Variants in CD99L2 observed in about 807,000 individuals in gnomAD.
CD99L2 encodes the protein CD99 antigen-like protein 2.
Under a neutral mutation model 27.3 loss-of-function variants are expected in CD99L2, and 24 were observed. The observed-to-expected ratio is 0.88, with a 90% CI of 0.64 to 1.24. CD99L2 has a LOEUF of 1.24. CD99L2 is among the 50% of genes most tolerant of loss of function. The pLI is 0.00. For missense variants in CD99L2, 255 were observed against 221.6 expected (o/e 1.15, Z -0.96); for synonymous variants, 97 against 87.9 (o/e 1.10, Z -0.58).
intron 4 of CD99L2, among the ~76,000 whole-genome samples, chrX:150,810,154 T>C (rs936771569): frequency 4.5e-5 from 5 of 111,995 alleles, no homozygotes; most frequent in Non-Finnish European, 5.6e-5. Flanking sequence ...CAGCAGAATT[T>C]GCATTCCGCT....
chrX:150,769,994 G>A (rs1157052861), intron 10 of CD99L2, among the ~76,000 whole-genome samples: 2 of 113,163 alleles, frequency 1.8e-5, no homozygotes, highest in African/African-American at 3.2e-5. Context: ...TGTTCAGGAT[G>A]TAATTGTATT....
intron 4 of CD99L2, among the ~76,000 whole-genome samples, chrX:150,804,309 C>CG (rs1277425496): frequency 8.9e-6 from 1 of 112,107 alleles, no homozygotes; most frequent in East Asian, 2.8e-4. Flanking sequence ...GAACAACCAA[C>CG]GGGTCAAAGA....
chrX:150,885,633 T>C (rs1213439296), intron 1 of CD99L2, among the ~76,000 whole-genome samples: 5 of 112,548 alleles, frequency 4.4e-5, no homozygotes, highest in Non-Finnish European at 7.5e-5. Context: ...GAGTATGTAT[T>C]ACTCTTGTAA....
chrX:150,869,681 G>A (rs1460062478), intron 1 of CD99L2, among the ~76,000 whole-genome samples: 4 of 111,910 alleles, frequency 3.6e-5, no homozygotes, highest in African/African-American at 1.3e-4. Flanking sequence ...TGCCAGCCAA[G>A]GCGTCTGCTC....
At chrX:150,881,419 C>T (rs1251010229) in intron 1 of CD99L2, among the ~76,000 whole-genome samples, 3 of 112,081 alleles carry the variant, frequency 2.7e-5, no homozygotes, top group East Asian at 5.6e-4. Flanking sequence ...CCAGAGCCAG[C>T]AATACCTGTC....
intron 1 of CD99L2, among the ~76,000 whole-genome samples, chrX:150,857,016 A>G (rs2046901243): frequency 9.0e-6 from 1 of 111,585 alleles, no homozygotes; most frequent in South Asian, 3.8e-4. Flanking sequence ...AACAGAAGAA[A>G]GAATCTCAGA....
chrX:150,858,779 CACCT>C (rs2124312205), intron 1 of CD99L2, among the ~76,000 whole-genome samples: 1 of 111,666 alleles, frequency 9.0e-6, no homozygotes, highest in South Asian at 3.7e-4. Context: ...TCTAACAATA[CACCT>C]CAAGGAACTA....
chrX:150,824,177 A>AAAG lies in CD99L2; in HGVS notation c.130+7053_130+7054insCTT, dbSNP rs1433590473. On this transcript the variant is annotated intron_variant, in intron 2 of 10. Coordinates refer to ENST00000370377, the MANE Select transcript of CD99L2 (RefSeq NM_031462.4). ...GGAGGAGGAGGAGGAGGAGGAGGAG[A>AAAG]AGGAGGAGGAGGAAGAAGAAGAGGA... 4.0e-4 allele frequency among the ~76,000 whole-genome samples: 5 copies of AAAG among 12,455 alleles called. 2 individuals carry two copies. The highest frequency in any genetic ancestry group is 1.0e-3 in the Non-Finnish European group (5 of 4,844). The allele number at this position is 12,455 out of a possible 115,157, so 10.8% of individuals were successfully genotyped here. A position where few individuals can be genotyped will look rare whatever the true frequency, so the allele number is the denominator to read the frequency against.
intron 9 of CD99L2, among the ~76,000 whole-genome samples, chrX:150,773,526 G>A (rs1268353853): frequency 3.6e-5 from 4 of 112,663 alleles, no homozygotes; most frequent in Non-Finnish European, 7.5e-5. Flanking sequence ...ACTGTGGACT[G>A]TCGCATCTCA....
At chrX:150,803,190 G>A (rs911244248) in intron 4 of CD99L2, among the ~76,000 whole-genome samples, 6 of 111,011 alleles carry the variant, frequency 5.4e-5, no homozygotes, top group East Asian at 2.8e-4. Flanking sequence ...CACCATGCCC[G>A]GCTAGAAAAG....
At chrX:150,855,245 T>C (rs1231274493) in intron 1 of CD99L2, among the ~76,000 whole-genome samples, 3 of 112,279 alleles carry the variant, frequency 2.7e-5, no homozygotes, top group Non-Finnish European at 5.6e-5. Context: ...GAGGTCATAC[T>C]GGAGTGGAGT....
At chrX:150,829,047 A>G (rs782099646) in intron 2 of CD99L2, 17 of 112,513 alleles carry the variant, frequency 1.5e-4, no homozygotes, top group African/African-American at 4.9e-4. Flanking sequence ...GCACAGGTTT[A>G]TGTGTGATTT....
At position 150,866,291 on chromosome X, in the gene CD99L2, A is replaced by C. The variant is rs185803894; in HGVS notation, c.67+32231T>G. ...GGATGGGATCCTGGAACAACAACAA[A>C]AAAAAACACACCAGGAAAAAACTAA... On this transcript the variant is annotated intron_variant, in intron 1 of 10. Transcript: ENST00000370377. Among the ~76,000 whole-genome samples, 446 of 111,830 alleles carry C rather than the reference A, an allele frequency of 4.0e-3. 4 individuals carry two copies. The highest frequency in any genetic ancestry group is 0.013 in the African/African-American group (405 of 30,772).
At chrX:150,771,780 AG>A (rs782707519) in intron 9 of CD99L2, 798 of 1,153,158 alleles carry the variant, frequency 6.9e-4, no homozygotes, top group Non-Finnish European at 8.7e-4. Context: ...GCAAAAGGAA[AG>A]TGAGGAAGGC....
At chrX:150,827,690 G>T (rs1557420963) in intron 2 of CD99L2, among the ~76,000 whole-genome samples, 1 of 111,655 alleles carries the variant, frequency 9.0e-6, no homozygotes, top group East Asian at 2.8e-4. Flanking sequence ...GCAGAGGACA[G>T]CATGAATATC....
intron 4 of CD99L2, among the ~76,000 whole-genome samples, chrX:150,808,068 G>A (rs2046020990): frequency 8.9e-6 from 1 of 112,300 alleles, no homozygotes; most frequent in East Asian, 2.8e-4. Flanking sequence ...CTCTCAAAAG[G>A]CTGCATTAAT....
intron 1 of CD99L2, among the ~76,000 whole-genome samples, chrX:150,862,115 A>G (rs2046989163): frequency 9.0e-6 from 1 of 111,723 alleles, no homozygotes; most frequent in African/African-American, 3.3e-5. Flanking sequence ...ATTTCCTGAG[A>G]ACTTATTATG....
intron 1 of CD99L2, among the ~76,000 whole-genome samples, chrX:150,835,030 T>TA (rs2046504714): frequency 8.9e-6 from 1 of 111,828 alleles, no homozygotes; most frequent in Non-Finnish European, 1.9e-5. Flanking sequence ...ATGTGGAATC[T>TA]AAAAAAGTTG....
At chrX:150,824,188 GGAA>G (rs1363075845) in intron 2 of CD99L2, among the ~76,000 whole-genome samples, 3 of 70,613 alleles carry the variant, frequency 4.2e-5, no homozygotes, top group Non-Finnish European at 8.2e-5. Flanking sequence ...AGGAGGAGGA[GGAA>G]GAAGAAGAGG....
Sources: allele counts gnomAD v4.1 joint callset (sites outside exome capture counted in the v4.1 genomes callset), GRCh38; gene constraint gnomAD v4.1.1; transcripts MANE v1.5; gene names NCBI Gene and HGNC (gene_info 2026-07-23, HGNC 2026-07-21).